GRM8: variants seen among roughly 807,000 people sequenced by gnomAD.
The protein encoded by GRM8 is metabotropic glutamate receptor 8.
A neutral mutation model predicts 87.2 loss-of-function variants in GRM8; 47 were observed. The observed-to-expected ratio is 0.54, with a 90% CI of 0.43 to 0.69. GRM8 has a LOEUF of 0.69. Among genes scored for constraint, GRM8 ranks in the 30% least tolerant of loss-of-function variants. The pLI, the probability that GRM8 is intolerant of heterozygous loss-of-function variation, is 0.00. For synonymous variants in GRM8, 396 were observed against 404.5 expected, an observed-to-expected ratio of 0.98 and a Z score of 0.25; for missense variants, 1,019 against 1,139.2, an observed-to-expected ratio of 0.89 and a Z score of 1.52.
intron 3 of GRM8, among the ~76,000 whole-genome samples, chr7:127,004,741 C>A (rs1814094227): frequency 2.0e-5 from 3 of 151,624 alleles, no homozygotes; most frequent in Admixed American, 1.3e-4. Flanking sequence ...TCGTAACCTT[C>A]AAAATTATAA....
chr7:127,076,353 C>G (rs1044774157), intron 3 of GRM8: 2 of 352,362 alleles, frequency 5.7e-6, no homozygotes, highest in Non-Finnish European at 1.1e-5. Flanking sequence ...ACAGCAAACA[C>G]TCAGAGTATC....
rs534604764 is a variant in GRM8, at chr7:127,027,755, T to G, written c.727+78741A>C. ...GGCTGAGACTATGGGATTTTCTAAA[T>G]ATACAATCATGTCATCTGCAAACAG... On this transcript the variant is annotated intron_variant, in intron 3 of 10. Coordinates refer to ENST00000339582, the MANE Select transcript of GRM8 (RefSeq NM_000845.3). Among the ~76,000 whole-genome samples the G allele has an allele frequency of 9.7e-4, 147 of 152,324 alleles. 1 individual carries two copies. Among genetic ancestry groups the G allele is most frequent in the African/African-American group, 3.5e-3 (145 of 41,562 alleles).
intron 3 of GRM8, among the ~76,000 whole-genome samples, chr7:127,035,821 C>T (rs566996981): frequency 3.3e-5 from 5 of 152,312 alleles, no homozygotes; most frequent in African/African-American, 1.2e-4. Context: ...CATCCCCATA[C>T]TGCTTCCCTC....
intron 7 of GRM8, among the ~76,000 whole-genome samples, chr7:126,619,997 G>C (rs1009384140): frequency 5.9e-5 from 9 of 151,888 alleles, no homozygotes; most frequent in African/African-American, 2.2e-4. Flanking sequence ...AGCCAAAAGT[G>C]GATTAATTTT....
intron 7 of GRM8, among the ~76,000 whole-genome samples, chr7:126,699,784 T>A (rs892023595): frequency 6.6e-6 from 1 of 152,152 alleles, no homozygotes; most frequent in African/African-American, 2.4e-5. Context: ...AGAAATGCCC[T>A]AAGCCCACTA....
intron 7 of GRM8, among the ~76,000 whole-genome samples, chr7:126,725,768 G>A (rs1024399237): frequency 1.3e-5 from 2 of 152,182 alleles, no homozygotes; most frequent in African/African-American, 4.8e-5. Flanking sequence ...AGAGACCTCA[G>A]GAAGCTTACA....
chr7:126,507,682 C>T (rs1388857542), intron 9 of GRM8, among the ~76,000 whole-genome samples: 2 of 152,058 alleles, frequency 1.3e-5, no homozygotes, highest in South Asian at 4.1e-4. Flanking sequence ...CTATTGGCAA[C>T]ATTAAAGTAT....
chr7:127,148,167 G>T (rs959052437), intron 2 of GRM8, among the ~76,000 whole-genome samples: 1 of 151,932 alleles, frequency 6.6e-6, no homozygotes, highest in Non-Finnish European at 1.5e-5. Context: ...TCTCTTAAAT[G>T]GGTGCAACAG....
In GRM8 at chr7:126,735,867, T is replaced by TA. The variant is rs1814152578; in HGVS notation, c.1357+33997dup. Among the ~76,000 whole-genome samples the TA allele has an allele frequency of 2.0e-5, 3 of 152,154 alleles. No individual in the cohort carries two copies. The East Asian group carries it at 5.8e-4, about 29-fold the overall frequency. On this transcript the variant is annotated intron_variant, in intron 7 of 10. Transcript: ENST00000339582. ...TGCAGGGAATGGGTTCTCTGAACAG[T>TA]AAAAAGCTGGAAGCCGAAGCAGGGA...
rs146515832 is a variant in GRM8 at position 127,195,626 on chromosome 7, A to G, written c.510+47069T>C. Among the ~76,000 whole-genome samples the G allele has an allele frequency of 9.1e-3, 1,384 of 152,158 alleles. 23 individuals carry two copies. The highest frequency in any genetic ancestry group is 0.032 in the African/African-American group (1,315 of 41,494). ...TCACCTCCCTCTCCTGTCAACTTAGAAGGGCCTTCCCCACCATTTTCCCAG... is the reference window on the plus strand; with the variant it reads ...TCACCTCCCTCTCCTGTCAACTTAGGAGGGCCTTCCCCACCATTTTCCCAG... On this transcript the variant is annotated intron_variant, in intron 2 of 10. Coordinates refer to ENST00000339582, the MANE Select transcript of GRM8 (RefSeq NM_000845.3).
intron 3 of GRM8, among the ~76,000 whole-genome samples, chr7:126,933,960 T>C (rs1806025091): frequency 1.3e-5 from 2 of 152,220 alleles, no homozygotes; most frequent in Admixed American, 6.5e-5. Flanking sequence ...CCTTGATATA[T>C]TTGTTGATAC....
At chr7:126,771,002 A>C (rs1398927767) in intron 6 of GRM8, among the ~76,000 whole-genome samples, 1 of 152,018 alleles carries the variant, frequency 6.6e-6, no homozygotes, top group Non-Finnish European at 1.5e-5. Flanking sequence ...TATGAAAGGG[A>C]CATCAAGAGT....
intron 3 of GRM8, among the ~76,000 whole-genome samples, chr7:126,999,943 T>G (rs1010268770): frequency 6.6e-6 from 1 of 151,910 alleles, no homozygotes; most frequent in Non-Finnish European, 1.5e-5. Flanking sequence ...CTCCCATGTT[T>G]GTTGCAGCAC....
At chr7:127,200,170 T>C (rs1284769897) in intron 2 of GRM8, among the ~76,000 whole-genome samples, 2 of 152,204 alleles carry the variant, frequency 1.3e-5, no homozygotes, top group Non-Finnish European at 2.9e-5. Flanking sequence ...TCCCCACACA[T>C]ACCTTTTCTG....
intron 3 of GRM8, among the ~76,000 whole-genome samples, chr7:126,955,546 G>A (rs1192278397): frequency 6.6e-6 from 1 of 152,102 alleles, no homozygotes; most frequent in Non-Finnish European, 1.5e-5. Flanking sequence ...CAGGAGCAAG[G>A]GTCAACATAA....
intron 7 of GRM8, among the ~76,000 whole-genome samples, chr7:126,618,305 G>T (rs1366750826): frequency 6.6e-6 from 1 of 152,120 alleles, no homozygotes; most frequent in South Asian, 2.1e-4. Flanking sequence ...AAATGGTGCT[G>T]GGAAAACTGG....
chr7:127,097,293 C>T (rs1824754373), intron 3 of GRM8, among the ~76,000 whole-genome samples: 1 of 152,078 alleles, frequency 6.6e-6, no homozygotes. Context: ...GTAGAAGCAA[C>T]TGTTAGGTGA....
intron 9 of GRM8, among the ~76,000 whole-genome samples, chr7:126,446,885 A>T (rs1802076008): frequency 6.6e-6 from 1 of 151,988 alleles, no homozygotes; most frequent in Non-Finnish European, 1.5e-5. Context: ...ACATAATTCC[A>T]ACTACCAAAA....
intron 3 of GRM8, among the ~76,000 whole-genome samples, chr7:126,968,286 A>G (rs1162329593): frequency 6.6e-6 from 1 of 152,222 alleles, no homozygotes; most frequent in East Asian, 1.9e-4. Context: ...TATGCCAGTC[A>G]TTATCTAATC....
Sources: gnomAD v4.1 joint callset for allele counts (sites outside exome capture counted in the v4.1 genomes callset) on GRCh38, gnomAD v4.1.1 for gene constraint, MANE v1.5 for transcripts, NCBI Gene and HGNC (gene_info 2026-07-23, HGNC 2026-07-21) for gene names.